The following SLC26A8 variants were observed in gnomAD, a reference collection of about 807,000 sequenced individuals.
The protein encoded by SLC26A8 is testis anion transporter 1.
In SLC26A8, 70 loss-of-function variants were observed where a neutral mutation model predicts 105.0. The observed-to-expected ratio is 0.67, with a 90% CI of 0.55 to 0.81. SLC26A8 has a LOEUF of 0.81. SLC26A8 is among the 40% of genes least tolerant of loss of function. The pLI is 0.00. For synonymous variants in SLC26A8, 415 were observed against 438.3 expected (o/e 0.95, Z 0.66); for missense variants, 998 against 1,181.8 (o/e 0.84, Z 2.28).
Position 35,951,144 on chromosome 6 carries a change from C to G in SLC26A8, c.2472+19G>C. The G allele has an allele frequency of 6.4e-7, 1 of 1,562,446 alleles. No individual in the cohort carries two copies. The highest frequency in any genetic ancestry group is 8.7e-7 in the Non-Finnish European group (1 of 1,150,284). The stretch of plus-strand genomic sequence containing the variant: ...CTCAATCCCTTCCCCCAACCTCATG[C>G]TTTGTCGGTTTGTCTGACCTTGTCT... On this transcript the variant is annotated intron_variant, in intron 19 of 19. Transcript: ENST00000490799.
At chr6:36,011,693 G>C (rs180701697) in intron 3 of SLC26A8, among the ~76,000 whole-genome samples, 1 of 151,860 alleles carries the variant, frequency 6.6e-6, no homozygotes, top group Non-Finnish European at 1.5e-5. Flanking sequence ...CTACAGTCTC[G>C]ACCTCCTGGG....
chr6:35,993,096 AC>A (rs1365290076), intron 5 of SLC26A8, among the ~76,000 whole-genome samples: 2 of 148,508 alleles, frequency 1.3e-5, no homozygotes, highest in Non-Finnish European at 3.0e-5. Context: ...ACTCCTGGGC[AC>A]AAGGGATTCT....
At chr6:35,986,524 T>G (rs1773532013) in intron 7 of SLC26A8, among the ~76,000 whole-genome samples, 1 of 152,162 alleles carries the variant, frequency 6.6e-6, no homozygotes, top group Admixed American at 6.6e-5. Context: ...CTCTAGACCC[T>G]GGTAACCACC....
intron 11 of SLC26A8, among the ~76,000 whole-genome samples, chr6:35,967,584 C>T (rs1226539758): frequency 1.3e-5 from 2 of 152,180 alleles, no homozygotes; most frequent in Non-Finnish European, 2.9e-5. Flanking sequence ...AGTTAAGACA[C>T]AACTTTCAGA....
rs139335976 is a variant in SLC26A8 at position 35,997,840 on chromosome 6, T to G, written c.525A>C (p.Gly175=). 5.9e-5 allele frequency: 95 copies of G among 1,614,116 alleles called. 1 individual carries two copies. The highest frequency in any genetic ancestry group is 1.8e-4 in the Admixed American group (11 of 60,020). The change falls in exon 5 of 20, where the codon GGA becomes GGC. Residue 175 remains glycine (G), a synonymous_variant. Coordinates refer to ENST00000490799, the MANE Select transcript of SLC26A8 (RefSeq NM_052961.4). ...CCGAAAACTCATTCTTGACGAAAGA[T>G]CCCATGACCAGTTGACCGTTGTTGA... is the stretch of plus-strand genomic sequence containing the variant. ...SPFNNGQLVM[G]SFVKNEFSAP...
At position 35,981,229 on chromosome 6, in the gene SLC26A8, C is replaced by A. The variant is rs1484719268; in HGVS notation, c.1025+892G>T. 6.6e-6 allele frequency among the ~76,000 whole-genome samples: 1 copy of A among 152,072 alleles called. No homozygotes were observed. The highest frequency in any genetic ancestry group is 1.5e-5 in the Non-Finnish European group (1 of 68,022). On this transcript the variant is annotated intron_variant, in intron 8 of 19. Transcript: ENST00000490799. This position sits in a 1 kb window ranked among gnomAD's most constrained non-coding sequence, Gnocchi z 4.0. The stretch of plus-strand genomic sequence containing the variant: ...TTTCCTAACAGAAGCAAGAGCCATG[C>A]CTCATAGTCACTGGTAGGAATTATA...
intron 11 of SLC26A8, among the ~76,000 whole-genome samples, chr6:35,966,399 G>A (rs1478211340): frequency 6.6e-6 from 1 of 152,062 alleles, no homozygotes; most frequent in Non-Finnish European, 1.5e-5. Flanking sequence ...AGTATGGAGA[G>A]GAAACAAATC....
intron 19 of SLC26A8, among the ~76,000 whole-genome samples, chr6:35,949,772 T>G (rs1480679696): frequency 6.6e-6 from 1 of 152,008 alleles, no homozygotes; most frequent in Non-Finnish European, 1.5e-5. Context: ...TAGTTGTTTT[T>G]TTATTAACTA....
chr6:35,954,400 C>G (rs2127293672), intron 17 of SLC26A8, among the ~76,000 whole-genome samples: 1 of 152,280 alleles, frequency 6.6e-6, no homozygotes, highest in Non-Finnish European at 1.5e-5. Flanking sequence ...TACAAGACAG[C>G]CCAGTGCCTT....
chr6:35,985,048 C>G (rs1019265057), intron 7 of SLC26A8, among the ~76,000 whole-genome samples: 5 of 152,150 alleles, frequency 3.3e-5, no homozygotes, highest in African/African-American at 4.8e-5. Flanking sequence ...AACCCCTTAC[C>G]GTAACCCAGA....
rs954648831 is a variant in SLC26A8 at position 35,981,103 on chromosome 6, A to G, written c.1025+1018T>C. On this transcript the variant is annotated intron_variant, in intron 8 of 19. Coordinates refer to ENST00000490799, the MANE Select transcript of SLC26A8 (RefSeq NM_052961.4). The surrounding 1 kb of genome is among the most constrained non-coding windows in gnomAD (Gnocchi z 4.0). ...ATTCCTTATTATACAACGTGAGGAA[A>G]TGGGCAATGCTCTTCAAAAGCCTCT... Among the ~76,000 whole-genome samples the G allele has an allele frequency of 2.6e-5, 4 of 152,170 alleles. No individual in the cohort carries two copies. Among genetic ancestry groups the G allele is most frequent in the Non-Finnish European group, 5.9e-5 (4 of 68,028 alleles).
intron 8 of SLC26A8, among the ~76,000 whole-genome samples, chr6:35,978,166 C>T (rs1406631186): frequency 2.2e-5 from 3 of 135,086 alleles, no homozygotes; most frequent in Admixed American, 2.2e-4. Context: ...AAAAAAAAGA[C>T]ACTCAGACCA....
At chr6:35,999,936 A>G in intron 4 of SLC26A8, 56 bp downstream of exon 4, 1 of 1,213,492 alleles carries the variant, frequency 8.2e-7, no homozygotes, top group Non-Finnish European at 1.2e-6. Context: ...AGCAATAAGT[A>G]TATGATCAAG....
chr6:35,955,476 T>C lies in SLC26A8; in HGVS notation c.1908A>G (p.Ala636=). ...ERFENKLDPE[A]SSINLIHCSH... Reference sequence around the variant, plus strand: ...AGCAGTGAATCAGGTTAATGGAGGATGCTTCGGGATCCAGTTTATTTTCAA... The same window carrying C: ...AGCAGTGAATCAGGTTAATGGAGGACGCTTCGGGATCCAGTTTATTTTCAA... Residue 636 remains alanine (A), a synonymous_variant, in exon 17 of 20, where the codon GCA becomes GCG. Transcript: ENST00000490799. The C allele has an allele frequency of 6.2e-7, 1 of 1,614,178 alleles. No individual in the cohort carries two copies. The highest frequency in any genetic ancestry group is 8.5e-7 in the Non-Finnish European group (1 of 1,180,018).
intron 2 of SLC26A8, among the ~76,000 whole-genome samples, chr6:36,012,966 G>A (rs940770736): frequency 1.3e-5 from 2 of 152,190 alleles, no homozygotes; most frequent in Non-Finnish European, 2.9e-5. Context: ...ATGACCCTCT[G>A]TGGAGGAGAG....
At chr6:35,954,631 G>A (rs558940320) in intron 17 of SLC26A8, among the ~76,000 whole-genome samples, 9 of 152,228 alleles carry the variant, frequency 5.9e-5, no homozygotes, top group South Asian at 2.1e-4. Flanking sequence ...CAAACCAACC[G>A]CAGCTCAATA....
intron 8 of SLC26A8, among the ~76,000 whole-genome samples, chr6:35,979,432 T>C (rs1773182865): frequency 6.6e-6 from 1 of 151,936 alleles, no homozygotes; most frequent in African/African-American, 2.4e-5. Context: ...GCCAAGATCG[T>C]GCCACTGCAC....
chr6:35,976,633 C>T (rs981792818), intron 9 of SLC26A8, among the ~76,000 whole-genome samples: 10 of 150,000 alleles, frequency 6.7e-5, no homozygotes, highest in South Asian at 4.2e-4. Context: ...TTCCGCCTCC[C>T]GGGTTCACGC....
intron 12 of SLC26A8, among the ~76,000 whole-genome samples, chr6:35,961,650 C>G (rs963691982): frequency 6.6e-6 from 1 of 152,328 alleles, no homozygotes; most frequent in South Asian, 2.1e-4. Context: ...TATGCCTCCT[C>G]CTGGAATAGA....
Sources: gnomAD v4.1 joint callset for allele counts (sites outside exome capture counted in the v4.1 genomes callset) on GRCh38, gnomAD v4.1.1 for gene constraint, Gnocchi (gnomAD v3.1) non-coding constraint, MANE v1.5 for transcripts, NCBI Gene and HGNC (gene_info 2026-07-23, HGNC 2026-07-21) for gene names.